The following LRRC4C variants were observed in gnomAD, a reference collection of about 807,000 sequenced individuals.
LRRC4C encodes leucine rich repeat containing 4C, also known as leucine-rich repeat-containing protein 4C.
LRRC4C carries 5 observed loss-of-function variants against 33.6 expected under a neutral mutation model. The ratio of observed to expected loss-of-function variants is 0.15; its 90% CI spans 0.08 to 0.31. LRRC4C has a LOEUF of 0.31. LRRC4C is among the 10% of genes least tolerant of loss of function. The pLI is 1.00. For synonymous variants in LRRC4C, 329 were observed against 302.0 expected, an observed-to-expected ratio of 1.09 and a Z score of -0.93; for missense variants, 560 against 796.7, an observed-to-expected ratio of 0.70 and a Z score of 3.58.
intron 1 of LRRC4C, among the ~76,000 whole-genome samples, chr11:41,212,596 A>C (rs1486761015): frequency 6.6e-6 from 1 of 152,002 alleles, no homozygotes; most frequent in Non-Finnish European, 1.5e-5. Flanking sequence ...CCCTCCCCTC[A>C]ACAGGCCCCA....
intron 1 of LRRC4C, among the ~76,000 whole-genome samples, chr11:40,985,487 T>G (rs1479398417): frequency 2.0e-3 from 1 of 504 alleles, no homozygotes; most frequent in African/African-American, 2.0e-3. Flanking sequence ...ATTTTTTTTT[T>G]TTTTTTTTTT....
At chr11:40,524,385 C>T (rs1189358469) in intron 3 of LRRC4C, among the ~76,000 whole-genome samples, 1 of 152,094 alleles carries the variant, frequency 6.6e-6, no homozygotes, top group Non-Finnish European at 1.5e-5. Flanking sequence ...TTATTGTATT[C>T]TATTAAATTA....
intron 4 of LRRC4C, among the ~76,000 whole-genome samples, chr11:40,272,448 C>T (rs754486710): frequency 2.0e-5 from 3 of 152,064 alleles, no homozygotes; most frequent in Non-Finnish European, 4.4e-5. Context: ...ATTGTGGATA[C>T]TCCATATAAA....
intron 2 of LRRC4C, among the ~76,000 whole-genome samples, chr11:40,715,889 G>C (rs1946681487): frequency 6.6e-6 from 1 of 152,072 alleles, no homozygotes; most frequent in Non-Finnish European, 1.5e-5. Context: ...GCCCATCATG[G>C]TGGTGGGTAC....
chr11:40,521,321 TTAAA>T (rs1450939894), intron 3 of LRRC4C, among the ~76,000 whole-genome samples: 1 of 152,212 alleles, frequency 6.6e-6, no homozygotes, highest in African/African-American at 2.4e-5. Context: ...TAATAAGTCA[TTAAA>T]TAATTCTTAA....
chr11:41,349,697 A>C (rs75177143), intron 1 of LRRC4C, among the ~76,000 whole-genome samples: 1 of 152,154 alleles, frequency 6.6e-6, no homozygotes, highest in Non-Finnish European at 1.5e-5. Context: ...CATTAAAGGA[A>C]TATCAGCCTA....
chr11:41,301,706 G>A (rs1340200913), intron 1 of LRRC4C, among the ~76,000 whole-genome samples: 1 of 151,990 alleles, frequency 6.6e-6, no homozygotes, highest in Non-Finnish European at 1.5e-5. Flanking sequence ...TCATGACTTA[G>A]CTAAACAAAA....
intron 3 of LRRC4C, among the ~76,000 whole-genome samples, chr11:40,378,500 T>C (rs1350687994): frequency 6.6e-6 from 1 of 151,982 alleles, no homozygotes; most frequent in Non-Finnish European, 1.5e-5. Context: ...GTTTGGGGTG[T>C]AGATGGTAAG....
Position 40,382,729 on chromosome 11 carries a change from T to C in LRRC4C, c.-269-63008A>G, listed in dbSNP as rs911552501. 2.8e-5 allele frequency among the ~76,000 whole-genome samples: 4 copies of C among 140,650 alleles called. No homozygotes were observed. The South Asian group carries it at 9.5e-4, about 33-fold the overall frequency. 92.3% of individuals were successfully genotyped at this position (140,650 alleles called of 152,430 possible). ...TTTTTTTTGAGACAGAGTCTCGCTC[T>C]GTCGCCCAGGCTGGATTTCAGTGGC... On this transcript the variant is annotated intron_variant, in intron 3 of 6. Transcript: ENST00000528697.
At position 40,137,807 on chromosome 11, in the gene LRRC4C, G is replaced by C. The variant is rs115804595; in HGVS notation, c.-43+2994C>G. ...TTTCTCATTGTTATCAGGATAACTT[G>C]GGATAGTTTATGAATTGTAAGATCA... On this transcript the variant is annotated intron_variant, in intron 6 of 6. Coordinates refer to ENST00000528697, the MANE Select transcript of LRRC4C (RefSeq NM_001258419.2). Among the ~76,000 whole-genome samples the C allele has an allele frequency of 5.6e-3, 853 of 152,220 alleles. 9 individuals are homozygous for C. Among genetic ancestry groups the C allele is most frequent in the African/African-American group, 0.019 (808 of 41,516 alleles).
chr11:41,120,988 T>A (rs1282851345), intron 1 of LRRC4C, among the ~76,000 whole-genome samples: 3 of 152,146 alleles, frequency 2.0e-5, no homozygotes, highest in African/African-American at 7.2e-5. Flanking sequence ...GGCCTCCCAG[T>A]CACTCTTCCT....
chr11:40,678,024 TCTTC>T (rs2136310552), intron 2 of LRRC4C, among the ~76,000 whole-genome samples: 1 of 152,224 alleles, frequency 6.6e-6, no homozygotes, highest in South Asian at 2.1e-4. Flanking sequence ...AGTACCAATG[TCTTC>T]CTTCCTTTAT....
intron 5 of LRRC4C, among the ~76,000 whole-genome samples, chr11:40,218,154 C>G (rs1376433400): frequency 6.6e-6 from 1 of 152,040 alleles, no homozygotes; most frequent in Non-Finnish European, 1.5e-5. Context: ...TTTTATATAA[C>G]TAATGTTTTT....
At chr11:40,504,469 C>T (rs945491628) in intron 3 of LRRC4C, among the ~76,000 whole-genome samples, 9 of 150,400 alleles carry the variant, frequency 6.0e-5, no homozygotes, top group Admixed American at 2.0e-4. Context: ...CACTTGGAGG[C>T]ATCTGTCCTC....
chr11:40,329,034 GA>G (rs1426659928), intron 3 of LRRC4C, among the ~76,000 whole-genome samples: 1 of 152,176 alleles, frequency 6.6e-6, no homozygotes, highest in East Asian at 1.9e-4. Context: ...GTCTGTGGGG[GA>G]AAACTGAGAC....
chr11:41,398,177 C>T (rs534786655), intron 1 of LRRC4C, among the ~76,000 whole-genome samples: 2 of 152,082 alleles, frequency 1.3e-5, no homozygotes, highest in South Asian at 4.1e-4. Context: ...CCCACTTTCC[C>T]TCTTTTCTAC....
At chr11:40,431,009 A>AGTG (rs1950903995) in intron 3 of LRRC4C, among the ~76,000 whole-genome samples, 1 of 147,626 alleles carries the variant, frequency 6.8e-6, no homozygotes, top group Admixed American at 6.8e-5. Context: ...ATGAGGAGTT[A>AGTG]GTGGGTGCAG....
chr11:41,192,871 G>T (rs1397359146), intron 1 of LRRC4C, among the ~76,000 whole-genome samples: 2 of 152,094 alleles, frequency 1.3e-5, no homozygotes, highest in Non-Finnish European at 2.9e-5. Flanking sequence ...ATCTTCTTCT[G>T]ATCAAGAGGC....
In LRRC4C at chr11:40,290,288, A is replaced by T. The variant is rs527267838; in HGVS notation, c.-176+29340T>A. Among the ~76,000 whole-genome samples the T allele has an allele frequency of 3.2e-3, 481 of 152,332 alleles. 2 individuals carry two copies. Among genetic ancestry groups the T allele is most frequent in the Middle Eastern group, 6.8e-3 (2 of 294 alleles). On this transcript the variant is annotated intron_variant, in intron 4 of 6. Coordinates refer to ENST00000528697, the MANE Select transcript of LRRC4C (RefSeq NM_001258419.2). ...GTGGTAACGTAAAACAAAGCAAATA[A>T]GCAAACGAATGCAAAAAAAGTGCAG... is the stretch of plus-strand genomic sequence containing the variant.
Sources: gnomAD v4.1 joint callset for allele counts (sites outside exome capture counted in the v4.1 genomes callset) on GRCh38, gnomAD v4.1.1 for gene constraint, MANE v1.5 for transcripts, NCBI Gene and HGNC (gene_info 2026-07-23, HGNC 2026-07-21) for gene names.